The following MCTP1 variants were observed in gnomAD, a reference collection of about 807,000 sequenced individuals.
MCTP1 encodes the protein multiple C2 and transmembrane domain-containing protein 1.
A neutral mutation model predicts 120.6 loss-of-function variants in MCTP1; 69 were observed. The observed-to-expected ratio is 0.57, with a 90% CI of 0.47 to 0.70. The LOEUF is 0.70. Ranked by LOEUF, MCTP1 falls within the 30% of genes least tolerant of loss-of-function variation. The probability of loss-of-function intolerance (pLI) is 0.00; values close to 1 mark genes in which losing one functional copy is unlikely to be tolerated. For synonymous variants in MCTP1, 529 were observed against 493.1 expected (o/e 1.07, Z -0.96); for missense variants, 1,203 against 1,248.8 (o/e 0.96, Z 0.55).
intron 3 of MCTP1, among the ~76,000 whole-genome samples, chr5:94,952,171 CAAAAAA>C (rs57358026): frequency 0.022 from 1,921 of 87,874 alleles, 81 homozygotes; most frequent in African/African-American, 0.077. Flanking sequence ...GACTTTGTCG[CAAAAAA>C]AAAAAAAAAA....
intron 1 of MCTP1, among the ~76,000 whole-genome samples, chr5:95,157,636 T>C (rs1002996254): frequency 6.6e-6 from 1 of 152,172 alleles, no homozygotes; most frequent in African/African-American, 2.4e-5. Context: ...CCATTAAAAA[T>C]ACTGGGAAAA....
intron 1 of MCTP1, among the ~76,000 whole-genome samples, chr5:95,020,939 G>T (rs1462944998): frequency 1.3e-5 from 2 of 152,022 alleles, no homozygotes; most frequent in Admixed American, 6.6e-5. Context: ...ACTATACCAT[G>T]TGATTACAAT....
At chr5:94,728,245 A>G (rs1321122253) in intron 19 of MCTP1, among the ~76,000 whole-genome samples, 3 of 152,226 alleles carry the variant, frequency 2.0e-5, no homozygotes, top group Admixed American at 6.5e-5. Flanking sequence ...ATCAATTTCA[A>G]AAATGGCTCA....
rs369407152 is a variant in MCTP1, at chr5:94,909,337, A to G, written c.1566T>C (p.Asp522=). The change falls in exon 10 of 23, where the codon GAT becomes GAC. Residue 522 remains aspartate (D), a synonymous_variant. Coordinates refer to ENST00000515393, the MANE Select transcript of MCTP1 (RefSeq NM_024717.7). ...CTCCTCTTTCTTCATAAAGGTGAAA[A>G]TCAAATTGTTCCCTCCACTGAGGAT... ...TLNPQWREQF[D]FHLYEERGGV... 3 of 1,609,390 alleles carry G rather than the reference A, an allele frequency of 1.9e-6. No homozygotes were observed. Among genetic ancestry groups the G allele is most frequent in the Non-Finnish European group, 2.5e-6 (3 of 1,178,222 alleles).
chr5:95,176,560 C>A (rs1748006239), intron 1 of MCTP1, among the ~76,000 whole-genome samples: 1 of 152,112 alleles, frequency 6.6e-6, no homozygotes, highest in African/African-American at 2.4e-5. Flanking sequence ...GATATAAAGT[C>A]TTTTTCTCCA....
chr5:94,935,397 TA>T (rs141268722), intron 5 of MCTP1, among the ~76,000 whole-genome samples: 1 of 151,942 alleles, frequency 6.6e-6, no homozygotes, highest in African/African-American at 2.4e-5. Context: ...TAACAGTGCA[TA>T]AAAAACTCAC....
At chr5:95,269,640 T>G (rs1759199972) in intron 1 of MCTP1, among the ~76,000 whole-genome samples, 1 of 152,202 alleles carries the variant, frequency 6.6e-6, no homozygotes, top group Non-Finnish European at 1.5e-5. Flanking sequence ...ATCATGGGTT[T>G]GGGTACCAAG....
At chr5:95,211,074 G>A (rs1752309985) in intron 1 of MCTP1, among the ~76,000 whole-genome samples, 1 of 151,992 alleles carries the variant, frequency 6.6e-6, no homozygotes, top group Admixed American at 6.6e-5. Context: ...CCCTTTGTGG[G>A]TAACCCGACC....
At chr5:94,763,504 A>T (rs1771835125) in intron 19 of MCTP1, among the ~76,000 whole-genome samples, 1 of 152,178 alleles carries the variant, frequency 6.6e-6, no homozygotes, top group African/African-American at 2.4e-5. Context: ...TGGAACATTC[A>T]CTGACAATTC....
At chr5:94,952,073 G>A (rs72777314) in intron 3 of MCTP1, among the ~76,000 whole-genome samples, 6,925 of 150,344 alleles carry the variant, frequency 0.046, 222 homozygotes, top group Middle Eastern at 0.099. Context: ...TGAGGAGGCT[G>A]AGGCAAGGGA....
At chr5:94,786,550 C>T (rs374137755) in intron 18 of MCTP1, among the ~76,000 whole-genome samples, 22 of 152,084 alleles carry the variant, frequency 1.4e-4, no homozygotes, top group African/African-American at 5.1e-4. Context: ...AGAATGTTCA[C>T]GAAACTTCAC....
At chr5:94,750,608 C>G (rs1394025580) in intron 19 of MCTP1, among the ~76,000 whole-genome samples, 2 of 152,120 alleles carry the variant, frequency 1.3e-5, no homozygotes, top group African/African-American at 4.8e-5. Context: ...GTATTTCAAA[C>G]AGCAAAACAT....
Position 94,704,050 on chromosome 5 carries a change from AAAG to A in MCTP1, c.*3443_*3445del, listed in dbSNP as rs1754015256. The A allele has an allele frequency of 2.6e-5, 4 of 151,640 alleles. No individual in the cohort carries two copies. Among genetic ancestry groups the A allele is most frequent in the African/African-American group, 9.6e-5 (4 of 41,498 alleles). The allele number at this position is 151,640 out of a possible 1,614,324, so 9.4% of individuals were successfully genotyped here. A position where few individuals can be genotyped will look rare whatever the true frequency, so the allele number is the denominator to read the frequency against. ...TGAGTTACACCAATCATCCCAGGAA[AAAG>A]AATTATAATTGAAAGGAATGACACT... is the stretch of plus-strand genomic sequence containing the variant. On this transcript the variant is annotated 3_prime_UTR_variant, in exon 23 of 23. Transcript: ENST00000515393.
chr5:95,047,376 C>G (rs1385867217), intron 1 of MCTP1, among the ~76,000 whole-genome samples: 1 of 152,026 alleles, frequency 6.6e-6, no homozygotes, highest in East Asian at 1.9e-4. Flanking sequence ...TTTCTCATGG[C>G]CAATTTATTC....
chr5:95,270,931 C>CTCAAAA (rs1554243524), intron 1 of MCTP1, among the ~76,000 whole-genome samples: 31 of 145,624 alleles, frequency 2.1e-4, no homozygotes, highest in Non-Finnish European at 1.0e-4. Flanking sequence ...CTCTCTCTCT[C>CTCAAAA]AAAAAAAAAA....
intron 19 of MCTP1, among the ~76,000 whole-genome samples, chr5:94,728,239 A>G (rs1762490197): frequency 1.3e-5 from 2 of 152,228 alleles, no homozygotes; most frequent in African/African-American, 2.4e-5. Flanking sequence ...ATGAGAATCA[A>G]TTTCAAAAAT....
intron 11 of MCTP1, among the ~76,000 whole-genome samples, chr5:94,889,654 A>T (rs1341160774): frequency 6.6e-6 from 1 of 151,984 alleles, no homozygotes; most frequent in Admixed American, 6.6e-5. Context: ...CCATTTTAGT[A>T]TGTATAGAAT....
chr5:94,998,856 T>C (rs1165208047), intron 2 of MCTP1, among the ~76,000 whole-genome samples: 2 of 152,188 alleles, frequency 1.3e-5, no homozygotes, highest in Non-Finnish European at 2.9e-5. Context: ...TAAATATTCG[T>C]AGACATTGCC....
chr5:94,721,775 TA>T (rs1223523722), intron 19 of MCTP1, among the ~76,000 whole-genome samples: 1 of 151,602 alleles, frequency 6.6e-6, no homozygotes, highest in Non-Finnish European at 1.5e-5. Flanking sequence ...CTTTACTTTA[TA>T]AAGCAGCTTG....
Sources: gnomAD v4.1 joint callset for allele counts (sites outside exome capture counted in the v4.1 genomes callset) on GRCh38, gnomAD v4.1.1 for gene constraint, MANE v1.5 for transcripts, NCBI Gene and HGNC (gene_info 2026-07-23, HGNC 2026-07-21) for gene names.